Variants in ZNF207 observed in about 807,000 individuals in gnomAD.
ZNF207 encodes BUB3-interacting and GLEBS motif-containing protein ZNF207.
In ZNF207, 24 loss-of-function variants were observed where a neutral mutation model predicts 60.2. The observed-to-expected ratio is 0.40, with a 90% CI of 0.29 to 0.56. The LOEUF (loss-of-function observed/expected upper bound fraction) is 0.56, where lower values mean the gene tolerates loss of function less well. Ranked by LOEUF, ZNF207 falls within the 20% of genes least tolerant of loss-of-function variation. The pLI is 0.49. For missense variants in ZNF207, 452 were observed against 636.6 expected (o/e 0.71, Z 3.12); for synonymous variants, 236 against 194.7 (o/e 1.21, Z -1.77).
chr17:32,358,251 C>G (rs2150792178), intron 2 of ZNF207, among the ~76,000 whole-genome samples: 1 of 152,284 alleles, frequency 6.6e-6, no homozygotes, highest in East Asian at 1.9e-4. Flanking sequence ...AGACATCTCG[C>G]CAAGTGTTTT....
intron 5 of ZNF207, 147 bp from the exon 6 acceptor site, chr17:32,361,321 C>T: frequency 1.6e-6 from 1 of 608,722 alleles, no homozygotes; most frequent in Non-Finnish European, 2.8e-6. Context: ...ATTTATTTGT[C>T]AAAGCATCAA....
intron 2 of ZNF207, among the ~76,000 whole-genome samples, chr17:32,357,210 G>A (rs950955603): frequency 2.0e-5 from 3 of 150,406 alleles, no homozygotes; most frequent in Middle Eastern, 3.2e-3. Flanking sequence ...AATGCCTCAC[G>A]TAACTCATTA....
At position 32,363,529 on chromosome 17, in the gene ZNF207, C is replaced by CTTTTTTTTTTTTTTTTT. The variant is rs746944466; in HGVS notation, c.670+557_670+573dup. On this transcript the variant is annotated intron_variant, in intron 7 of 11. Transcript: ENST00000394670. ...ACAAGTAATAGAGAAATCCAACAAA[C>CTTTTTTTTTTTTTTTTT]TTTTTTTTTTTTTTTTTTTTTTTTT... Among the ~76,000 whole-genome samples the CTTTTTTTTTTTTTTTTT allele has an allele frequency of 9.9e-4, 69 of 69,612 alleles. 13 individuals carry two copies. Among genetic ancestry groups the CTTTTTTTTTTTTTTTTT allele is most frequent in the Admixed American group, 1.5e-3 (8 of 5,220 alleles). The allele number at this position is 69,612 out of a possible 152,430, so 45.7% of individuals were successfully genotyped here. A position where few individuals can be genotyped will look rare whatever the true frequency, so the allele number is the denominator to read the frequency against.
Position 32,374,701 on chromosome 17 carries a change from A to G in ZNF207, c.*4942A>G, listed in dbSNP as rs1905616490. Reference sequence around the variant, plus strand: ...TTGTGTATGTGGGGGTATAGACCATATAGTTGATATAACAACAGAATTTGG... The same window carrying G: ...TTGTGTATGTGGGGGTATAGACCATGTAGTTGATATAACAACAGAATTTGG... On this transcript the variant is annotated 3_prime_UTR_variant, in exon 12 of 12. Coordinates refer to ENST00000394670, the MANE Select transcript of ZNF207 (RefSeq NM_001098507.2). 6.6e-6 allele frequency: 1 copy of G among 152,236 alleles called. No individual in the cohort carries two copies. Among genetic ancestry groups the G allele is most frequent in the African/African-American group, 2.4e-5 (1 of 41,460 alleles). The allele number at this position is 152,236 out of a possible 1,614,324, so 9.4% of individuals were successfully genotyped here.
chr17:32,363,639 C>G (rs955892081), intron 7 of ZNF207, among the ~76,000 whole-genome samples: 2 of 138,450 alleles, frequency 1.4e-5, no homozygotes, highest in Admixed American at 8.3e-5. Flanking sequence ...TCAAGTGATT[C>G]TCCTGCCTCA....
intron 10 of ZNF207, 31 bp downstream of exon 10, chr17:32,368,045 A>G: frequency 6.2e-7 from 1 of 1,611,976 alleles, no homozygotes; most frequent in Non-Finnish European, 8.5e-7. Context: ...TACGAGCAGC[A>G]TTTGATTTAA....
Position 32,381,251 on chromosome 17 carries a change from G to A in ZNF207, c.*11492G>A, listed in dbSNP as rs903213247. On this transcript the variant is annotated 3_prime_UTR_variant, in exon 12 of 12. Transcript: ENST00000394670. ...TTACTGGCAAGGGATTATGTGAAGAGTAAGTCATACAAGGGATATGATTGT... is the reference window on the plus strand; with the variant it reads ...TTACTGGCAAGGGATTATGTGAAGAATAAGTCATACAAGGGATATGATTGT... The A allele has an allele frequency of 6.6e-6, 1 of 152,222 alleles. No homozygotes were observed. Among genetic ancestry groups the A allele is most frequent in the Non-Finnish European group, 1.5e-5 (1 of 68,022 alleles). The allele number at this position is 152,222 out of a possible 1,614,324, so 9.4% of individuals were successfully genotyped here.
At chr17:32,356,635 T>TA (rs1904522911) in intron 2 of ZNF207, among the ~76,000 whole-genome samples, 1 of 152,192 alleles carries the variant, frequency 6.6e-6, no homozygotes, top group African/African-American at 2.4e-5. Context: ...TGGGCAAATA[T>TA]ATCTAAGTCA....
At chr17:32,366,077 CT>C (rs34367433) in intron 8 of ZNF207, among the ~76,000 whole-genome samples, 4 of 152,222 alleles carry the variant, frequency 2.6e-5, no homozygotes, top group East Asian at 3.9e-4. Flanking sequence ...AACACCTTTG[CT>C]TTTTTTCCTA....
chr17:32,360,894 A>G lies in ZNF207; in HGVS notation c.478A>G (p.Ile160Val), dbSNP rs750989270. 1 of 1,614,152 alleles carries G rather than the reference A, an allele frequency of 6.2e-7. No individual in the cohort carries two copies. The highest frequency in any genetic ancestry group is 2.2e-5 in the East Asian group (1 of 44,886). The change falls in exon 5 of 12, where the codon ATA becomes GTA. Residue 160 changes from isoleucine to valine, a missense_variant and splice_region_variant. Transcript: ENST00000394670. ...VPGAPGMPPGIPPLMPGVPPL... is the reference protein window; with the variant it reads ...VPGAPGMPPGVPPLMPGVPPL... ...TTGATTGAAATTCTTGCTTGTAGGC[A>G]TACCTCCATTAATGCCAGGTGTTCC...
intron 7 of ZNF207, 51 bp from the exon 8 acceptor site, chr17:32,365,279 C>G: frequency 6.4e-7 from 1 of 1,563,086 alleles, no homozygotes; most frequent in South Asian, 1.2e-5. Flanking sequence ...CGTTTTTTTC[C>G]ACACTAAATT....
intron 7 of ZNF207, among the ~76,000 whole-genome samples, chr17:32,364,628 G>A (rs886235676): frequency 2.0e-5 from 3 of 152,104 alleles, no homozygotes; most frequent in Non-Finnish European, 4.4e-5. Flanking sequence ...AAAGTGCTGG[G>A]ATTATAGTCG....
At chr17:32,367,160 A>G (rs1905199948) in intron 9 of ZNF207, among the ~76,000 whole-genome samples, 1 of 147,256 alleles carries the variant, frequency 6.8e-6, no homozygotes, top group South Asian at 2.1e-4. Context: ...GTTACTGATA[A>G]CTTGCTACTT....
At chr17:32,367,273 ATATATATATAT>A (rs1567825037) in intron 9 of ZNF207, among the ~76,000 whole-genome samples, 1 of 103,024 alleles carries the variant, frequency 9.7e-6, no homozygotes, top group African/African-American at 3.8e-5. Flanking sequence ...ATATATATAT[ATATATATATAT>A]AAAGAATACT....
rs1174251169 is a variant in ZNF207 at position 32,377,032 on chromosome 17, G to A, written c.*7273G>A. 6.6e-6 allele frequency: 1 copy of A among 152,042 alleles called. No individual in the cohort carries two copies. Among genetic ancestry groups the A allele is most frequent in the African/African-American group, 2.4e-5 (1 of 41,444 alleles). 9.4% of individuals were successfully genotyped at this position (152,042 alleles called of 1,614,324 possible). ...TGTTCCTTCACCATTGGTTAAGTCT[G>A]AGGAACTAACAGTGAAATTCATTGA... On this transcript the variant is annotated 3_prime_UTR_variant, in exon 12 of 12. Coordinates refer to ENST00000394670, the MANE Select transcript of ZNF207 (RefSeq NM_001098507.2).
In ZNF207 at chr17:32,370,674, A is replaced by G. The variant is rs1445001023; in HGVS notation, c.*915A>G. 1 of 152,200 alleles carries G rather than the reference A, an allele frequency of 6.6e-6. No homozygotes were observed. Among genetic ancestry groups the G allele is most frequent in the Admixed American group, 6.5e-5 (1 of 15,280 alleles). The allele number at this position is 152,200 out of a possible 1,614,324, so 9.4% of individuals were successfully genotyped here. A position where few individuals can be genotyped will look rare whatever the true frequency, so the allele number is the denominator to read the frequency against. On this transcript the variant is annotated 3_prime_UTR_variant, in exon 12 of 12. Transcript: ENST00000394670. ...ATAGATACTTAAAATGTAAATGTTA[A>G]CACTTTTCCTTCCTGCTGAGATGTT...
Position 32,378,113 on chromosome 17 carries a change from C to G in ZNF207, c.*8354C>G, listed in dbSNP as rs968631383. The G allele has an allele frequency of 6.6e-6, 1 of 152,390 alleles. No homozygotes were observed. Among genetic ancestry groups the G allele is most frequent in the South Asian group, 2.1e-4 (1 of 4,836 alleles). 9.4% of individuals were successfully genotyped at this position (152,390 alleles called of 1,614,324 possible). ...TAATAGATCCATTGGACACTTTAAACACTCAGTACTTGGGCCAAAGTAGAT... is the reference window on the plus strand; with the variant it reads ...TAATAGATCCATTGGACACTTTAAAGACTCAGTACTTGGGCCAAAGTAGAT... On this transcript the variant is annotated 3_prime_UTR_variant, in exon 12 of 12. Transcript: ENST00000394670.
intron 6 of ZNF207, chr17:32,362,582 TG>T (rs1466663112): frequency 5.1e-6 from 1 of 197,776 alleles, no homozygotes; most frequent in African/African-American, 2.3e-5. Context: ...ATTTTCCAAG[TG>T]GAAAAAGTGG....
rs542932289 is a variant in ZNF207 at position 32,379,522 on chromosome 17, G to A, written c.*9763G>A. ...AGTTCTTAAACATTTTTTTTAGTTG[G>A]CAGCCAAAAGATTTTTCTTAGTGCT... On this transcript the variant is annotated 3_prime_UTR_variant, in exon 12 of 12. Coordinates refer to ENST00000394670, the MANE Select transcript of ZNF207 (RefSeq NM_001098507.2). 3 of 151,934 alleles carry A rather than the reference G, an allele frequency of 2.0e-5. No individual in the cohort carries two copies. The highest frequency in any genetic ancestry group is 7.2e-5 in the African/African-American group (3 of 41,490). The allele number at this position is 151,934 out of a possible 1,614,324, so 9.4% of individuals were successfully genotyped here.
Sources: allele counts gnomAD v4.1 joint callset (sites outside exome capture counted in the v4.1 genomes callset), GRCh38; gene constraint gnomAD v4.1.1; transcripts MANE v1.5; gene names NCBI Gene and HGNC (gene_info 2026-07-23, HGNC 2026-07-21).